Variants in AIG1 observed in about 807,000 individuals in gnomAD.
AIG1 encodes the protein androgen induced 1.
AIG1 carries 23 observed loss-of-function variants against 31.4 expected under a neutral mutation model. That is an observed-to-expected ratio of 0.73 (90% CI 0.53 to 1.04). The LOEUF (loss-of-function observed/expected upper bound fraction) is 1.04, where lower values mean the gene tolerates loss of function less well. Ranked by LOEUF, AIG1 falls within the 50% of genes least tolerant of loss-of-function variation. The probability of loss-of-function intolerance (pLI) is 0.00; values close to 1 mark genes in which losing one functional copy is unlikely to be tolerated. For synonymous variants in AIG1, 100 were observed against 110.5 expected (o/e 0.90, Z 0.60); for missense variants, 274 against 295.0 (o/e 0.93, Z 0.52).
chr6:143,073,574 A>C (rs1373249969), intron 1 of AIG1, among the ~76,000 whole-genome samples: 1 of 152,102 alleles, frequency 6.6e-6, no homozygotes, highest in Non-Finnish European at 1.5e-5. Context: ...AGCCATTCTA[A>C]TGGGTGTGAG....
intron 3 of AIG1, among the ~76,000 whole-genome samples, chr6:143,172,157 T>C (rs1418872915): frequency 6.6e-6 from 1 of 152,220 alleles, no homozygotes; most frequent in Non-Finnish European, 1.5e-5. Context: ...TGTTGATTGT[T>C]TCTTTTGCTG....
At chr6:143,247,827 C>A (rs1044327377) in intron 3 of AIG1, among the ~76,000 whole-genome samples, 3 of 152,184 alleles carry the variant, frequency 2.0e-5, no homozygotes, top group African/African-American at 7.2e-5. Flanking sequence ...ATTGACTCTG[C>A]TGAAATCAGA....
chr6:143,189,271 T>A, intron 3 of AIG1: 1 of 500,986 alleles, frequency 2.0e-6, no homozygotes, highest in Non-Finnish European at 2.6e-6. Flanking sequence ...CTAGAGACAA[T>A]GGCCTCATTA....
intron 3 of AIG1, among the ~76,000 whole-genome samples, chr6:143,274,220 T>C (rs142072773): frequency 0.011 from 1,658 of 152,236 alleles, 29 homozygotes; most frequent in Middle Eastern, 0.034. Context: ...CATTCTTTTA[T>C]CCTTCGGTTG....
intron 4 of AIG1, among the ~76,000 whole-genome samples, chr6:143,285,310 A>T (rs762027760): frequency 2.7e-5 from 4 of 150,940 alleles, no homozygotes; most frequent in Non-Finnish European, 5.9e-5. Flanking sequence ...GAGGATGTCC[A>T]TGTGGACAAG....
intron 1 of AIG1, among the ~76,000 whole-genome samples, chr6:143,089,848 C>A (rs1446357099): frequency 6.6e-6 from 1 of 152,172 alleles, no homozygotes; most frequent in East Asian, 1.9e-4. Flanking sequence ...GATCCACCCC[C>A]ATAACTCAAT....
intron 3 of AIG1, among the ~76,000 whole-genome samples, chr6:143,276,323 T>G (rs925195822): frequency 6.6e-6 from 1 of 152,210 alleles, no homozygotes; most frequent in African/African-American, 2.4e-5. Context: ...AATTTAGTCC[T>G]TAGCCTATAA....
chr6:143,090,890 G>A (rs555250835), intron 1 of AIG1, among the ~76,000 whole-genome samples: 11 of 152,152 alleles, frequency 7.2e-5, no homozygotes, highest in East Asian at 3.9e-4. Flanking sequence ...GTTCTGTACC[G>A]TGCAATGCTT....
At chr6:143,179,622 G>A (rs1788533581) in intron 3 of AIG1, among the ~76,000 whole-genome samples, 2 of 152,174 alleles carry the variant, frequency 1.3e-5, no homozygotes, top group African/African-American at 4.8e-5. Context: ...CATGAAAGGA[G>A]AATGTCATAT....
At chr6:143,272,524 A>G (rs1796605242) in intron 3 of AIG1, among the ~76,000 whole-genome samples, 1 of 152,210 alleles carries the variant, frequency 6.6e-6, no homozygotes, top group South Asian at 2.1e-4. Context: ...TCTGTTAATA[A>G]TAGGCCCATT....
chr6:143,101,221 G>A (rs570580179), intron 1 of AIG1, among the ~76,000 whole-genome samples: 3 of 151,930 alleles, frequency 2.0e-5, no homozygotes, highest in African/African-American at 4.8e-5. Flanking sequence ...ATGAGGTGGC[G>A]CATATAGTAG....
chr6:143,223,178 A>G (rs1468679213), intron 3 of AIG1, among the ~76,000 whole-genome samples: 1 of 152,202 alleles, frequency 6.6e-6, no homozygotes, highest in African/African-American at 2.4e-5. Flanking sequence ...AGTGATTCTC[A>G]AAGTGTAGTC....
intron 3 of AIG1, among the ~76,000 whole-genome samples, chr6:143,245,730 T>C (rs948696731): frequency 2.0e-5 from 3 of 152,200 alleles, no homozygotes; most frequent in Non-Finnish European, 2.9e-5. Context: ...TGTTTTTTGC[T>C]CTCATTTATT....
intron 3 of AIG1, among the ~76,000 whole-genome samples, chr6:143,201,356 C>CA (rs113253843): frequency 2.5e-3 from 348 of 137,614 alleles, no homozygotes; most frequent in African/African-American, 7.4e-3. Flanking sequence ...GAGACTGTTT[C>CA]AAAAAAAAAA....
Position 143,297,331 on chromosome 6 carries a change from C to CGG in AIG1, c.515+13106_515+13107insGG, listed in dbSNP as rs1214205691. Among the ~76,000 whole-genome samples the CGG allele has an allele frequency of 2.6e-5, 4 of 152,228 alleles. No homozygotes were observed. Among genetic ancestry groups the CGG allele is most frequent in the African/African-American group, 9.6e-5 (4 of 41,454 alleles). On this transcript the variant is annotated intron_variant, in intron 4 of 5. Transcript: ENST00000357847. This position sits in a 1 kb window ranked among gnomAD's most constrained non-coding sequence, Gnocchi z 5.1. Reference sequence around the variant, plus strand: ...CACCTGGACCCATTGACATTTTGCCCTCCTCCTGTCACTGCAATATATATT... The same window carrying CGG: ...CACCTGGACCCATTGACATTTTGCCCGGTCCTCCTGTCACTGCAATATATATT...
At position 143,330,193 on chromosome 6, in the gene AIG1, A is replaced by T. The variant is rs747330848; in HGVS notation, c.516-3089A>T. On this transcript the variant is annotated intron_variant, in intron 4 of 5. Transcript: ENST00000357847. The surrounding 1 kb of genome is among the most constrained non-coding windows in gnomAD (Gnocchi z 4.4). The stretch of plus-strand genomic sequence containing the variant: ...AGAATACAGCAATGAACATAATTGG[A>T]CAAAATTCCTTTGCTCATTGAATAG... Among the ~76,000 whole-genome samples, 1 of 152,210 alleles carries T rather than the reference A, an allele frequency of 6.6e-6. No individual in the cohort carries two copies. The highest frequency in any genetic ancestry group is 1.9e-4 in the East Asian group (1 of 5,204).
At chr6:143,102,512 TATATA>T (rs1218423882) in intron 1 of AIG1, among the ~76,000 whole-genome samples, 4 of 147,260 alleles carry the variant, frequency 2.7e-5, no homozygotes, top group Non-Finnish European at 6.0e-5. Context: ...TGATACATAA[TATATA>T]ATATAATATG....
At chr6:143,151,630 G>A (rs1046475735) in intron 2 of AIG1, among the ~76,000 whole-genome samples, 1 of 152,182 alleles carries the variant, frequency 6.6e-6, no homozygotes, top group Non-Finnish European at 1.5e-5. Flanking sequence ...ACTCTGTTTT[G>A]TTAGTCTATT....
intron 3 of AIG1, among the ~76,000 whole-genome samples, chr6:143,185,063 G>A (rs1789118128): frequency 6.6e-6 from 1 of 152,070 alleles, no homozygotes. Flanking sequence ...GGGTGTGGTG[G>A]TGCACGCCTG....
Sources: gnomAD v4.1 joint callset for allele counts (sites outside exome capture counted in the v4.1 genomes callset) on GRCh38, gnomAD v4.1.1 for gene constraint, Gnocchi (gnomAD v3.1) non-coding constraint, MANE v1.5 for transcripts, NCBI Gene and HGNC (gene_info 2026-07-23, HGNC 2026-07-21) for gene names.